The following DIAPH1 variants were observed in gnomAD, a reference collection of about 807,000 sequenced individuals.
The protein encoded by DIAPH1 is protein diaphanous homolog 1.
Under a neutral mutation model 140.7 loss-of-function variants are expected in DIAPH1, and 46 were observed. That is an observed-to-expected ratio of 0.33 (90% CI 0.26 to 0.42). The LOEUF is 0.42. Ranked by LOEUF, DIAPH1 falls within the 10% of genes least tolerant of loss-of-function variation. The probability of loss-of-function intolerance (pLI) is 1.00; values close to 1 mark genes in which losing one functional copy is unlikely to be tolerated. For synonymous variants in DIAPH1, 565 were observed against 551.6 expected, an observed-to-expected ratio of 1.02 and a Z score of -0.34; for missense variants, 1,310 against 1,558.7, an observed-to-expected ratio of 0.84 and a Z score of 2.69.
In DIAPH1 at chr5:141,516,392, G is replaced by C. The variant is rs749549558; in HGVS notation, c.*459C>G. On this transcript the variant is annotated 3_prime_UTR_variant, in exon 28 of 28. Transcript: ENST00000389054. Reference sequence around the variant, plus strand: ...AGCAGAGACAACAGCAATGAAAGGAGGGATCTAGCCCAAAGGTTTACAAGC... The same window carrying C: ...AGCAGAGACAACAGCAATGAAAGGACGGATCTAGCCCAAAGGTTTACAAGC... The C allele has an allele frequency of 4.9e-6, 1 of 205,042 alleles. No individual in the cohort carries two copies. The highest frequency in any genetic ancestry group is 1.0e-5 in the Non-Finnish European group (1 of 98,766). The allele number at this position is 205,042 out of a possible 1,614,324, so 12.7% of individuals were successfully genotyped here. A position where few individuals can be genotyped will look rare whatever the true frequency, so the allele number is the denominator to read the frequency against.
intron 9 of DIAPH1, among the ~76,000 whole-genome samples, chr5:141,578,882 T>C (rs1022990085): frequency 1.3e-5 from 2 of 152,242 alleles, no homozygotes; most frequent in African/African-American, 4.8e-5. Flanking sequence ...ATAGATATCA[T>C]GCCTTTTTCC....
intron 18 of DIAPH1, among the ~76,000 whole-genome samples, chr5:141,545,607 G>A (rs1562298109): frequency 1.3e-5 from 2 of 152,256 alleles, no homozygotes; most frequent in East Asian, 3.9e-4. Flanking sequence ...TTATGCCACT[G>A]TACTCAGCCT....
rs547897060 is a variant in DIAPH1, at chr5:141,608,872, G to C, written c.117+9926C>G. The stretch of plus-strand genomic sequence containing the variant: ...AACGTCAAATTTAAAATATAAAAAG[G>C]ATAACTATAGAGACAGTCTAGTAAC... On this transcript the variant is annotated intron_variant, in intron 1 of 27. Transcript: ENST00000389054. 2.6e-5 allele frequency among the ~76,000 whole-genome samples: 4 copies of C among 152,174 alleles called. No individual in the cohort carries two copies. In the East Asian group the frequency reaches 7.7e-4, roughly 29 times the overall value.
At chr5:141,556,035 C>G (rs978572520) in intron 18 of DIAPH1, among the ~76,000 whole-genome samples, 332 of 152,254 alleles carry the variant, frequency 2.2e-3, no homozygotes, top group African/African-American at 7.8e-3. Flanking sequence ...GCTGTGGCTG[C>G]TGAAAGTCAG....
intron 18 of DIAPH1, chr5:141,560,725 C>T: frequency 5.2e-6 from 2 of 382,632 alleles, no homozygotes; most frequent in South Asian, 3.9e-5. Flanking sequence ...AATTCTAAAC[C>T]ATTCTCCATA....
At chr5:141,599,762 T>C (rs563197710) in intron 1 of DIAPH1, among the ~76,000 whole-genome samples, 5 of 152,354 alleles carry the variant, frequency 3.3e-5, no homozygotes, top group Middle Eastern at 3.4e-3. Context: ...AAGTCTAAGA[T>C]GTCCCCCAAG....
intron 18 of DIAPH1, among the ~76,000 whole-genome samples, chr5:141,545,715 A>G (rs1173986306): frequency 6.6e-6 from 1 of 152,220 alleles, no homozygotes; most frequent in Non-Finnish European, 1.5e-5. Flanking sequence ...AAGAAATAAA[A>G]GAAATTCCAT....
intron 1 of DIAPH1, among the ~76,000 whole-genome samples, chr5:141,597,932 G>C (rs1282691358): frequency 1.3e-5 from 2 of 152,216 alleles, no homozygotes; most frequent in Non-Finnish European, 2.9e-5. Context: ...AAAATACAGA[G>C]CAGTGTACTC....
chr5:141,539,426 T>G (rs1373234110), intron 18 of DIAPH1, among the ~76,000 whole-genome samples: 1 of 127,646 alleles, frequency 7.8e-6, no homozygotes, highest in Non-Finnish European at 1.6e-5. Context: ...TTGTTTTTTT[T>G]TTTGTTTTTT....
intron 18 of DIAPH1, among the ~76,000 whole-genome samples, chr5:141,569,085 G>A (rs1033487770): frequency 4.0e-5 from 6 of 151,812 alleles, no homozygotes. Context: ...GGACATTTGC[G>A]TCTGAATGAA....
At chr5:141,614,505 T>A (rs931748622) in intron 1 of DIAPH1, among the ~76,000 whole-genome samples, 14 of 152,232 alleles carry the variant, frequency 9.2e-5, no homozygotes, top group Non-Finnish European at 1.9e-4. Context: ...ACTATTTTCT[T>A]AGCTTTCATA....
At chr5:141,576,897 T>A in intron 12 of DIAPH1, 26 bp from the exon 13 acceptor site, 1 of 1,328,548 alleles carries the variant, frequency 7.5e-7, no homozygotes, top group Non-Finnish European at 1.1e-6. Context: ...AACAGGGTCA[T>A]CAAAGGAAAA....
chr5:141,587,273 C>T, intron 2 of DIAPH1, 76 bp from the exon 3 acceptor site: 5 of 1,458,308 alleles, frequency 3.4e-6, no homozygotes, highest in Non-Finnish European at 4.7e-6. Context: ...TTCTTTACCC[C>T]TTTAACCTCT....
intron 1 of DIAPH1, among the ~76,000 whole-genome samples, chr5:141,599,276 G>A (rs555229198): frequency 2.0e-5 from 3 of 152,242 alleles, no homozygotes; most frequent in South Asian, 2.1e-4. Context: ...AATCATGGAC[G>A]GTAATTGCAA....
Position 141,573,728 on chromosome 5 carries a change from G to T in DIAPH1, c.2122C>A (p.Pro708Thr). ...GGAGGTGGCATTCCTGCTTCTCCAG[G>T]CAAGGGAGGAGGTGGGGGGGGAATT... Reference protein sequence around the residue: ...AGIPPPPPPLPGEAGMPPPPP... With the variant: ...AGIPPPPPPLTGEAGMPPPPP... Residue 708 changes from proline to threonine, a missense_variant, in exon 16 of 28, where the codon CCT becomes ACT. Around this residue, in one of 3 missense-constraint regions of DIAPH1, gnomAD observed 589 missense variants for 549.3 expected, o/e 1.07. Transcript: ENST00000389054. 1 of 1,444,204 alleles carries T rather than the reference G, an allele frequency of 6.9e-7. No individual in the cohort carries two copies. The highest frequency in any genetic ancestry group is 9.3e-7 in the Non-Finnish European group (1 of 1,076,004). The allele number at this position is 1,444,204 out of a possible 1,614,324, so 89.5% of individuals were successfully genotyped here.
intron 1 of DIAPH1, among the ~76,000 whole-genome samples, chr5:141,599,253 C>G (rs2099899775): frequency 6.6e-6 from 1 of 152,154 alleles, no homozygotes; most frequent in African/African-American, 2.4e-5. Flanking sequence ...TTCTGTGCTT[C>G]ACATGGACAG....
At chr5:141,615,207 T>C (rs920501961) in intron 1 of DIAPH1, among the ~76,000 whole-genome samples, 3 of 142,620 alleles carry the variant, frequency 2.1e-5, no homozygotes, top group African/African-American at 7.8e-5. Context: ...AGGCTGAGGC[T>C]GGCGGATCAC....
intron 1 of DIAPH1, among the ~76,000 whole-genome samples, chr5:141,604,888 G>A (rs1312559539): frequency 2.0e-5 from 3 of 152,082 alleles, no homozygotes; most frequent in African/African-American, 7.2e-5. Flanking sequence ...TAGGGAGGAG[G>A]GGAGATGAGC....
intron 20 of DIAPH1, 132 bp downstream of exon 20, chr5:141,529,471 A>C: frequency 1.0e-6 from 1 of 971,266 alleles, no homozygotes; most frequent in South Asian, 1.3e-5. Flanking sequence ...CACCAGAGAA[A>C]AGGCAGTTTC....
Sources: allele counts gnomAD v4.1 joint callset (sites outside exome capture counted in the v4.1 genomes callset), GRCh38; gene constraint gnomAD v4.1.1; regional missense constraint gnomAD v4.1.1; transcripts MANE v1.5; gene names NCBI Gene and HGNC (gene_info 2026-07-23, HGNC 2026-07-21).